The following PPM1H variants were observed in gnomAD, a reference collection of about 807,000 sequenced individuals.
PPM1H encodes protein phosphatase, Mg2+/Mn2+ dependent 1H.
PPM1H carries 27 observed loss-of-function variants against 54.9 expected under a neutral mutation model. The ratio of observed to expected loss-of-function variants is 0.49; its 90% CI spans 0.36 to 0.68. PPM1H has a LOEUF of 0.68. Among genes scored for constraint, PPM1H ranks in the 30% least tolerant of loss-of-function variants. The probability of loss-of-function intolerance (pLI) is 0.00; values close to 1 mark genes in which losing one functional copy is unlikely to be tolerated. For synonymous variants in PPM1H, 305 were observed against 270.8 expected, an observed-to-expected ratio of 1.13 and a Z score of -1.24; for missense variants, 596 against 667.8, an observed-to-expected ratio of 0.89 and a Z score of 1.19.
At chr12:62,822,363 G>A (rs551923418) in intron 2 of PPM1H, among the ~76,000 whole-genome samples, 2 of 152,262 alleles carry the variant, frequency 1.3e-5, no homozygotes, top group African/African-American at 4.8e-5. Flanking sequence ...GGTTAACAAC[G>A]ATATCCAGGA....
At chr12:62,908,073 T>G (rs1397046514) in intron 1 of PPM1H, among the ~76,000 whole-genome samples, 1 of 152,200 alleles carries the variant, frequency 6.6e-6, no homozygotes, top group Non-Finnish European at 1.5e-5. Flanking sequence ...ATCTCCTTAT[T>G]GACTTGTTTA....
chr12:62,929,367 G>T (rs536358218), intron 1 of PPM1H, among the ~76,000 whole-genome samples: 1 of 152,300 alleles, frequency 6.6e-6, no homozygotes, highest in East Asian at 1.9e-4. Context: ...AAGGGGACAA[G>T]CTAACTAATC....
intron 5 of PPM1H, among the ~76,000 whole-genome samples, chr12:62,735,574 A>C (rs980325202): frequency 6.6e-6 from 1 of 152,156 alleles, no homozygotes; most frequent in Non-Finnish European, 1.5e-5. Context: ...CCCTTGTGCC[A>C]GGTGCTGTGT....
intron 1 of PPM1H, among the ~76,000 whole-genome samples, chr12:62,854,848 AT>A (rs1869326052): frequency 9.8e-5 from 15 of 152,298 alleles, no homozygotes. Flanking sequence ...AAAATAAAAA[AT>A]TTAGAAGTAT....
chr12:62,792,072 G>A (rs1005955158), intron 3 of PPM1H, among the ~76,000 whole-genome samples: 1 of 152,186 alleles, frequency 6.6e-6, no homozygotes, highest in Non-Finnish European at 1.5e-5. Flanking sequence ...TAACAGGGCC[G>A]TCCACGGCAA....
intron 1 of PPM1H, among the ~76,000 whole-genome samples, chr12:62,923,249 TGATG>T (rs1180308106): frequency 6.6e-6 from 1 of 152,202 alleles, no homozygotes; most frequent in African/African-American, 2.4e-5. Flanking sequence ...AAGAATGGAC[TGATG>T]GATGGACACA....
chr12:62,934,762 G>C lies in PPM1H; in HGVS notation c.-26C>G. The C allele has an allele frequency of 6.7e-7, 1 of 1,496,948 alleles. No homozygotes were observed. The highest frequency in any genetic ancestry group is 8.9e-7 in the Non-Finnish European group (1 of 1,118,744). The allele number at this position is 1,496,948 out of a possible 1,614,324, so 92.7% of individuals were successfully genotyped here. A position where few individuals can be genotyped will look rare whatever the true frequency, so the allele number is the denominator to read the frequency against. ...ATTACTCCGGCGCCCGGCTGCAGCG[G>C]TGCGAGCAGGAGGCGGCGGGGGCCG... On this transcript the variant is annotated 5_prime_UTR_variant, in exon 1 of 10. Transcript: ENST00000228705. The surrounding 1 kb of genome is among the most constrained non-coding windows in gnomAD (Gnocchi z 4.2).
intron 6 of PPM1H, among the ~76,000 whole-genome samples, chr12:62,706,923 C>G (rs1475762968): frequency 6.6e-6 from 1 of 152,146 alleles, no homozygotes; most frequent in Non-Finnish European, 1.5e-5. Context: ...GGGTTGAAAA[C>G]TAGGGTTGTC....
At chr12:62,908,422 A>AAAAAAAAAAAAAG (rs1284923713) in intron 1 of PPM1H, among the ~76,000 whole-genome samples, 13 of 134,170 alleles carry the variant, frequency 9.7e-5, no homozygotes, top group Non-Finnish European at 1.6e-4. Context: ...AAAAAAAAAA[A>AAAAAAAAAAAAAG]AAAGAAAGAA....
At chr12:62,869,216 A>G (rs1290593126) in intron 1 of PPM1H, among the ~76,000 whole-genome samples, 1 of 152,204 alleles carries the variant, frequency 6.6e-6, no homozygotes, top group East Asian at 1.9e-4. Flanking sequence ...TTGTTTTCAC[A>G]GTATTTTCAT....
At position 62,645,469 on chromosome 12, in the gene PPM1H, C is replaced by T. The variant is rs1048641203; in HGVS notation, c.*3020G>A. ...TGGCCTGGCCCGATTTTCACCTTTCCTTTTACACCTCAAGAACAGCAGATA... is the reference window on the plus strand; with the variant it reads ...TGGCCTGGCCCGATTTTCACCTTTCTTTTTACACCTCAAGAACAGCAGATA... On this transcript the variant is annotated 3_prime_UTR_variant, in exon 10 of 10. Coordinates refer to ENST00000228705, the MANE Select transcript of PPM1H (RefSeq NM_020700.2). 5 of 152,278 alleles carry T rather than the reference C, an allele frequency of 3.3e-5. No individual in the cohort carries two copies. The highest frequency in any genetic ancestry group is 1.2e-4 in the African/African-American group (5 of 41,438). The allele number at this position is 152,278 out of a possible 1,614,324, so 9.4% of individuals were successfully genotyped here. A position where few individuals can be genotyped will look rare whatever the true frequency, so the allele number is the denominator to read the frequency against.
At chr12:62,918,947 C>T (rs1871706651) in intron 1 of PPM1H, among the ~76,000 whole-genome samples, 2 of 152,190 alleles carry the variant, frequency 1.3e-5, no homozygotes, top group Admixed American at 6.5e-5. Flanking sequence ...TTCTAAGTTC[C>T]TGACTAACCA....
At chr12:62,760,993 C>T (rs896361305) in intron 4 of PPM1H, among the ~76,000 whole-genome samples, 1 of 152,056 alleles carries the variant, frequency 6.6e-6, no homozygotes, top group African/African-American at 2.4e-5. Flanking sequence ...AGTGCAAACA[C>T]CAGGGTGTAC....
chr12:62,818,436 T>C (rs2076883239), intron 2 of PPM1H, among the ~76,000 whole-genome samples: 1 of 151,332 alleles, frequency 6.6e-6, no homozygotes, highest in Non-Finnish European at 1.5e-5. Context: ...CTTGAGCTGG[T>C]TAATTAAAAA....
At position 62,889,575 on chromosome 12, in the gene PPM1H, T is replaced by C. The variant is rs1317343057; in HGVS notation, c.245+44917A>G. ...CGTCTAGTGTTGGCAAATGAACAAA[T>C]ACCAGTAGACCAACGGAACAGAAGA... On this transcript the variant is annotated intron_variant, in intron 1 of 9. Transcript: ENST00000228705. 2.0e-5 allele frequency among the ~76,000 whole-genome samples: 3 copies of C among 152,072 alleles called. No homozygotes were observed. In the East Asian group the frequency reaches 5.8e-4, roughly 29 times the overall value.
intron 1 of PPM1H, among the ~76,000 whole-genome samples, chr12:62,845,880 A>G (rs889329118): frequency 1.3e-5 from 2 of 152,062 alleles, no homozygotes; most frequent in Non-Finnish European, 2.9e-5. Flanking sequence ...TGTCTCAAAT[A>G]CAATCCTCCT....
chr12:62,797,326 T>A (rs759029685), intron 3 of PPM1H, among the ~76,000 whole-genome samples: 9 of 152,128 alleles, frequency 5.9e-5, no homozygotes, highest in Non-Finnish European at 1.2e-4. Context: ...ACTTTACTTT[T>A]AGGGATTAAA....
At chr12:62,896,947 G>A (rs1871010028) in intron 1 of PPM1H, among the ~76,000 whole-genome samples, 1 of 152,042 alleles carries the variant, frequency 6.6e-6, no homozygotes, top group Admixed American at 6.6e-5. Flanking sequence ...CATGTCCTTT[G>A]TAGGGACATG....
intron 1 of PPM1H, among the ~76,000 whole-genome samples, chr12:62,887,226 T>A (rs1366139629): frequency 6.6e-6 from 1 of 152,148 alleles, no homozygotes; most frequent in Non-Finnish European, 1.5e-5. Context: ...GTAAGAGAAG[T>A]GGTCACAGAG....
Sources: allele counts gnomAD v4.1 joint callset (sites outside exome capture counted in the v4.1 genomes callset), GRCh38; gene constraint gnomAD v4.1.1; non-coding constraint Gnocchi (gnomAD v3.1); transcripts MANE v1.5; gene names NCBI Gene and HGNC (gene_info 2026-07-23, HGNC 2026-07-21).